NAALADL2: variants seen among roughly 807,000 people sequenced by gnomAD.
NAALADL2 encodes inactive N-acetylated-alpha-linked acidic dipeptidase-like protein 2.
Under a neutral mutation model 87.2 loss-of-function variants are expected in NAALADL2, and 76 were observed. That is an observed-to-expected ratio of 0.87 (90% CI 0.72 to 1.05). The LOEUF (loss-of-function observed/expected upper bound fraction) is 1.05, where lower values mean the gene tolerates loss of function less well. Ranked by LOEUF, NAALADL2 falls within the 50% of genes least tolerant of loss-of-function variation. NAALADL2 has a pLI of 0.00. For missense variants in NAALADL2, 1,089 were observed against 945.8 expected (o/e 1.15, Z -1.99); for synonymous variants, 354 against 331.0 (o/e 1.07, Z -0.75).
At chr3:175,781,490 T>A in intron 13 of NAALADL2, among the ~76,000 whole-genome samples, 1 of 152,098 alleles carries the variant, frequency 6.6e-6, no homozygotes, top group South Asian at 2.1e-4. Flanking sequence ...GTACAGTACC[T>A]GATACTTGAT....
intron 5 of NAALADL2, among the ~76,000 whole-genome samples, chr3:175,395,188 A>G (rs781073962): frequency 2.0e-5 from 3 of 152,158 alleles, no homozygotes; most frequent in Non-Finnish European, 2.9e-5. Context: ...CAGGGAGATC[A>G]TTCACATCCC....
chr3:175,540,406 G>A (rs1712100285), intron 9 of NAALADL2, among the ~76,000 whole-genome samples: 1 of 152,176 alleles, frequency 6.6e-6, no homozygotes, highest in Admixed American at 6.6e-5. Flanking sequence ...GCCTACACTG[G>A]GAGATGATGA....
intron 3 of NAALADL2, among the ~76,000 whole-genome samples, chr3:174,768,814 T>C (rs1714174906): frequency 1.3e-5 from 2 of 152,224 alleles, no homozygotes; most frequent in African/African-American, 4.8e-5. Flanking sequence ...TTTATTGTCA[T>C]ATAATTGAAC....
chr3:174,691,069 C>T (rs1319884684), intron 2 of NAALADL2, among the ~76,000 whole-genome samples: 2 of 152,122 alleles, frequency 1.3e-5, no homozygotes, highest in African/African-American at 2.4e-5. Flanking sequence ...ACTGACTGTG[C>T]AGTACCATTA....
At chr3:174,858,993 A>T (rs1299215646), upstream of NAALADL2, among the ~76,000 whole-genome samples, 2 of 152,114 alleles carry the variant, frequency 1.3e-5, no homozygotes, top group Non-Finnish European at 2.9e-5. Context: ...AATACACTTT[A>T]AATTTGATTT....
chr3:174,895,988 A>G (rs1310123116), intron 1 of NAALADL2, among the ~76,000 whole-genome samples: 4 of 152,150 alleles, frequency 2.6e-5, no homozygotes, highest in East Asian at 1.9e-4. Flanking sequence ...TAAATTTAAC[A>G]TCGTTACATG....
intron 5 of NAALADL2, chr3:175,397,327 C>A (rs1769933697): frequency 6.6e-6 from 1 of 152,134 alleles, no homozygotes; most frequent in African/African-American, 2.4e-5. Context: ...AATTATAGTA[C>A]ATGTGCTACC....
chr3:175,082,950 A>C (rs1718169447), intron 1 of NAALADL2, among the ~76,000 whole-genome samples: 1 of 152,198 alleles, frequency 6.6e-6, no homozygotes, highest in Admixed American at 6.5e-5. Flanking sequence ...TATTATGTAC[A>C]GGAGGAGAGT....
At chr3:175,468,601 A>G (rs1023426718) in intron 8 of NAALADL2, among the ~76,000 whole-genome samples, 2 of 152,056 alleles carry the variant, frequency 1.3e-5, no homozygotes, top group African/African-American at 4.8e-5. Context: ...GTATTTTGCT[A>G]TTTCAAACTA....
chr3:174,580,623 A>C (rs2108558594), intron 2 of NAALADL2, among the ~76,000 whole-genome samples: 1 of 152,196 alleles, frequency 6.6e-6, no homozygotes, highest in East Asian at 1.9e-4. Flanking sequence ...ACTTTCTAGA[A>C]TTTGATATCA....
chr3:174,846,260 A>C (rs1724603986), intron 3 of NAALADL2, among the ~76,000 whole-genome samples: 1 of 152,174 alleles, frequency 6.6e-6, no homozygotes, highest in South Asian at 2.1e-4. Context: ...TTGGTATACT[A>C]GGTTTCTGTG....
At chr3:175,087,745 C>A (rs780897620) in intron 1 of NAALADL2, among the ~76,000 whole-genome samples, 3 of 151,520 alleles carry the variant, frequency 2.0e-5, no homozygotes, top group Non-Finnish European at 4.4e-5. Flanking sequence ...TCCCTAATCT[C>A]AAGTACCCAG....
chr3:175,324,408 A>G lies in NAALADL2; in HGVS notation c.1090+83A>G, dbSNP rs1490444135. 8 of 1,047,572 alleles carry G rather than the reference A, an allele frequency of 7.6e-6. No homozygotes were observed. In the Admixed American group the frequency reaches 1.4e-4, roughly 19 times the overall value. 64.9% of individuals were successfully genotyped at this position (1,047,572 alleles called of 1,614,324 possible). ...TATAAATAAATGCTATCTATCAGGA[A>G]TAGTGATGTCAAATAATTCTTAGCA... On this transcript the variant is annotated intron_variant, in intron 5 of 13. Coordinates refer to ENST00000454872, the MANE Select transcript of NAALADL2 (RefSeq NM_207015.3).
chr3:174,846,644 G>A (rs1420532708), intron 3 of NAALADL2, among the ~76,000 whole-genome samples: 1 of 152,126 alleles, frequency 6.6e-6, no homozygotes, highest in Non-Finnish European at 1.5e-5. Context: ...ATATGATTAT[G>A]TATGTATGAT....
At chr3:174,655,956 C>T (rs554821605) in intron 2 of NAALADL2, among the ~76,000 whole-genome samples, 6 of 152,158 alleles carry the variant, frequency 3.9e-5, no homozygotes, top group Non-Finnish European at 8.8e-5. Flanking sequence ...GATACATAAA[C>T]TTATCATAGC....
At chr3:174,599,350 T>A (rs1235612767) in intron 2 of NAALADL2, among the ~76,000 whole-genome samples, 1 of 152,164 alleles carries the variant, frequency 6.6e-6, no homozygotes, top group Admixed American at 6.6e-5. Context: ...GCTGCAAATC[T>A]GTCCCTAACT....
intron 1 of NAALADL2, among the ~76,000 whole-genome samples, chr3:174,532,162 C>T (rs960931567): frequency 3.9e-5 from 6 of 152,130 alleles, no homozygotes; most frequent in Non-Finnish European, 8.8e-5. Context: ...TGTGAAGGTC[C>T]TTTTCAGTTT....
chr3:175,622,667 G>A (rs1726395056), intron 10 of NAALADL2, among the ~76,000 whole-genome samples: 1 of 152,066 alleles, frequency 6.6e-6, no homozygotes, highest in Admixed American at 6.5e-5. Context: ...ATAAAGTGAA[G>A]GTGATTGACA....
intron 12 of NAALADL2, among the ~76,000 whole-genome samples, chr3:175,754,350 G>A (rs548482774): frequency 6.6e-6 from 1 of 152,232 alleles, no homozygotes; most frequent in African/African-American, 2.4e-5. Flanking sequence ...TACTAGTGTT[G>A]CCTTTCTCTT....
Sources: allele counts gnomAD v4.1 joint callset (sites outside exome capture counted in the v4.1 genomes callset), GRCh38; gene constraint gnomAD v4.1.1; transcripts MANE v1.5; gene names NCBI Gene and HGNC (gene_info 2026-07-23, HGNC 2026-07-21).